Variants in WDR46 observed in about 807,000 individuals in gnomAD.
The protein encoded by WDR46 is WD repeat domain 46.
Under a neutral mutation model 74.7 loss-of-function variants are expected in WDR46, and 58 were observed. The observed-to-expected ratio is 0.78, with a 90% confidence interval of 0.63 to 0.97. WDR46 has a LOEUF of 0.97. WDR46 is among the 50% of genes least tolerant of loss of function. WDR46 has a pLI of 0.00. For missense variants in WDR46, 702 were observed against 790.1 expected, an observed-to-expected ratio of 0.89 and a Z score of 1.34; for synonymous variants, 278 against 297.3, an observed-to-expected ratio of 0.93 and a Z score of 0.67.
intron 10 of WDR46, among the ~76,000 whole-genome samples, chr6:33,285,125 A>C (rs927707069): frequency 1.3e-5 from 2 of 152,242 alleles, no homozygotes; most frequent in Admixed American, 1.3e-4. Flanking sequence ...TACATCAATT[A>C]GGCAAAATGT....
At chr6:33,279,401 A>G (rs750445510) in intron 14 of WDR46, 27 bp from the exon 15 acceptor site, 4 of 1,612,620 alleles carry the variant, frequency 2.5e-6, no homozygotes, top group Middle Eastern at 1.7e-4. Context: ...GGGAGGACAC[A>G]GGCACAGAGT....
intron 9 of WDR46, 68 bp from the exon 10 acceptor site, chr6:33,286,962 A>G (rs1435741862): frequency 6.3e-7 from 1 of 1,597,298 alleles, no homozygotes; most frequent in African/African-American, 1.3e-5. Context: ...CATGGGAAAG[A>G]TGGGAACTCA....
At chr6:33,288,331 T>G (rs1184484318) in intron 4 of WDR46, 27 bp downstream of exon 4, 1 of 1,613,806 alleles carries the variant, frequency 6.2e-7, no homozygotes, top group Admixed American at 1.7e-5. Context: ...AGGCAGGGAA[T>G]GGGGGTCCAG....
At chr6:33,284,958 G>C (rs1191773806) in intron 10 of WDR46, 3 of 153,546 alleles carry the variant, frequency 2.0e-5, no homozygotes, top group Non-Finnish European at 2.9e-5. Flanking sequence ...CAGTGACACA[G>C]TCGTAAGTGC....
rs569180726 is a variant in WDR46 at position 33,283,781 on chromosome 6, C to T, written c.1116-2794G>A. ...GCATGCAGTGGCATGCACTTGTACT[C>T]CCAGCTACTTGGAGGCTGAGGCAGA... On this transcript the variant is annotated intron_variant, in intron 10 of 14. Coordinates refer to ENST00000374617, the MANE Select transcript of WDR46 (RefSeq NM_005452.6). Among the ~76,000 whole-genome samples the T allele has an allele frequency of 5.3e-5, 8 of 152,260 alleles. No individual in the cohort carries two copies. In the East Asian group the frequency reaches 1.5e-3, roughly 29 times the overall value.
rs374906212 is a variant in WDR46, at chr6:33,287,164, A to C, written c.942T>G (p.Asn314Lys). The C allele has an allele frequency of 6.2e-7, 1 of 1,613,858 alleles. No individual in the cohort carries two copies. Residue 314 changes from asparagine to lysine, a missense_variant, in exon 9 of 15, where the codon AAT becomes AAG. Transcript: ENST00000374617. The part of the protein sequence containing the change: ...VSVGKIVAAL[N>K]ARAGRLDVMS... ...TAACATCGAGCCGCCCAGCTCGAGC[A>C]TTCAGAGCTGCCACAATCTTCCCCA...
At chr6:33,288,055 GTGCCC>G in intron 5 of WDR46, 29 bp from the exon 6 acceptor site, 1 of 1,614,048 alleles carries the variant, frequency 6.2e-7, no homozygotes, top group Non-Finnish European at 8.5e-7. Flanking sequence ...AAAAAAAAGA[GTGCCC>G]TGCAGTAACG....
intron 3 of WDR46, 28 bp from the exon 4 acceptor site, chr6:33,288,498 G>A (rs780777335): frequency 3.7e-6 from 6 of 1,612,494 alleles, no homozygotes; most frequent in Non-Finnish European, 4.2e-6. Flanking sequence ...GGGAGGAGTG[G>A]CAGAAGAACC....
rs1197994102 is a variant in WDR46 at position 33,288,950 on chromosome 6, G to A, written c.133C>T (p.Pro45Ser). ...PTTAGASPGP[P>S]RNKKNRELRP... is the part of the protein sequence containing the mutation. ...AGCTCCCGATTCTTCTTGTTACGAG[G>A]AGGCCCTGGAGAGGCTCCGGCTGTG... Residue 45 changes from proline to serine, a missense_variant, in exon 2 of 15, where the codon CCT (proline) becomes TCT (serine). By Grantham distance (74) the Pro-to-Ser change is moderately conservative (BLOSUM62 -1). Coordinates refer to ENST00000374617, the MANE Select transcript of WDR46 (RefSeq NM_005452.6). 1.9e-6 allele frequency: 3 copies of A among 1,614,078 alleles called. No homozygotes were observed. Among genetic ancestry groups the A allele is most frequent in the East Asian group, 2.2e-5 (1 of 44,882 alleles).
intron 10 of WDR46, among the ~76,000 whole-genome samples, chr6:33,285,404 T>C (rs1581679062): frequency 6.6e-6 from 1 of 151,890 alleles, no homozygotes; most frequent in East Asian, 1.9e-4. Context: ...AGTTTTGCCA[T>C]GTCATGGGTG....
At chr6:33,280,555 A>G (rs761875001) in intron 11 of WDR46, 33 bp from the exon 12 acceptor site, 27 of 1,599,810 alleles carry the variant, frequency 1.7e-5, no homozygotes, top group Admixed American at 6.9e-5. Context: ...ATGGAGCCAT[A>G]AGGAAGAACC....
chr6:33,288,060 C>G lies in WDR46; in HGVS notation c.562-34G>C. Reference sequence around the variant, plus strand: ...GAGAAGAGTGAAAAAAAAGAGTGCCCTGCAGTAACGCCTTCTTCTAGCCCC... The same window carrying G: ...GAGAAGAGTGAAAAAAAAGAGTGCCGTGCAGTAACGCCTTCTTCTAGCCCC... On this transcript the variant is annotated intron_variant, in intron 5 of 14. Transcript: ENST00000374617. 1.9e-6 allele frequency: 3 copies of G among 1,614,110 alleles called. 1 individual carries two copies. Among genetic ancestry groups the G allele is most frequent in the South Asian group, 2.2e-5 (2 of 91,076 alleles).
rs542996098 is a variant in WDR46 at position 33,285,392 on chromosome 6, A to G, written c.1115+1403T>C. 2.0e-5 allele frequency among the ~76,000 whole-genome samples: 3 copies of G among 151,938 alleles called. No homozygotes were observed. In the East Asian group the frequency reaches 5.8e-4, roughly 30 times the overall value. Reference sequence around the variant, plus strand: ...TAATTTTTCTATCTTCTGTAGAGACAGAGTTTTGCCATGTCATGGGTGACA... The same window carrying G: ...TAATTTTTCTATCTTCTGTAGAGACGGAGTTTTGCCATGTCATGGGTGACA... On this transcript the variant is annotated intron_variant, in intron 10 of 14. Transcript: ENST00000374617.
chr6:33,287,021 C>T lies in WDR46; in HGVS notation c.1015+70G>A, dbSNP rs918162346. 9.4e-6 allele frequency: 15 copies of T among 1,590,802 alleles called. No individual in the cohort carries two copies. In the Admixed American group the frequency reaches 2.1e-4, roughly 23 times the overall value. ...GAAATAAAAGGGTAACTTTAAGGGA[C>T]TCATGAAGTACAAATATAGAAGAAA... is the stretch of plus-strand genomic sequence containing the variant. On this transcript the variant is annotated intron_variant, in intron 9 of 14. Transcript: ENST00000374617.
chr6:33,283,216 A>C (rs1476200844), intron 10 of WDR46, among the ~76,000 whole-genome samples: 1 of 147,434 alleles, frequency 6.8e-6, no homozygotes, highest in Non-Finnish European at 1.5e-5. Flanking sequence ...CTCAAAAAAA[A>C]AAGATACAAT....
At position 33,287,228 on chromosome 6, in the gene WDR46, TGAGA is replaced by T. The variant is rs1387998421; in HGVS notation, c.880-6_880-3del. The T allele has an allele frequency of 3.7e-6, 6 of 1,613,612 alleles. No individual in the cohort carries two copies. The highest frequency in any genetic ancestry group is 3.3e-5 in the South Asian group (3 of 91,018). ...GTAGGTTAGAAACCCTGTTTCTGACTGAGAGAGAAAGACAGAGAGAATGACCCAG... is the reference window on the plus strand; with the variant it reads ...GTAGGTTAGAAACCCTGTTTCTGACTGAGAAAGACAGAGAGAATGACCCAG... On this transcript the variant is annotated splice_region_variant and splice_polypyrimidine_tract_variant and intron_variant, in intron 8 of 14. Transcript: ENST00000374617.
Position 33,287,628 on chromosome 6 carries a change from C to T in WDR46, c.714G>A (p.Ala238=), listed in dbSNP as rs748542598. 7 of 1,613,926 alleles carry T rather than the reference C, an allele frequency of 4.3e-6. No individual in the cohort carries two copies. Among genetic ancestry groups the T allele is most frequent in the Non-Finnish European group, 5.9e-6 (7 of 1,180,006 alleles). Residue 238 remains alanine (A), a synonymous_variant, in exon 7 of 15, where the codon GCG becomes GCA. Coordinates refer to ENST00000374617, the MANE Select transcript of WDR46 (RefSeq NM_005452.6). ...AGGCCACTGACCGGATGTCCCGCACCGCCTCCATGACGTTGATCTCGCACA... is the reference window on the plus strand; with the variant it reads ...AGGCCACTGACCGGATGTCCCGCACTGCCTCCATGACGTTGATCTCGCACA... ...KLMCEINVME[A]VRDIRFLHSE... is the part of the protein sequence containing the mutation.
chr6:33,287,661 C>T lies in WDR46; in HGVS notation c.681G>A (p.Lys227=). 6.2e-7 allele frequency: 1 copy of T among 1,614,040 alleles called. No homozygotes were observed. The highest frequency in any genetic ancestry group is 8.5e-7 in the Non-Finnish European group (1 of 1,180,030). ...GHVAALDWVT[K]KLMCEINVME... is the part of the protein sequence containing the mutation. ...TGACGTTGATCTCGCACATAAGCTT[C>T]TTTGTTACCCAATCAAGGGCAGCCA... Residue 227 remains lysine (K), a synonymous_variant, in exon 7 of 15, where the codon AAG becomes AAA. Transcript: ENST00000374617.
intron 13 of WDR46, 41 bp downstream of exon 13, chr6:33,279,723 G>A: frequency 6.2e-7 from 1 of 1,612,996 alleles, no homozygotes; most frequent in Non-Finnish European, 8.5e-7. Context: ...GAGGATGTGG[G>A]GGAGAAGACG....
Sources: allele counts gnomAD v4.1 joint callset (sites outside exome capture counted in the v4.1 genomes callset), GRCh38; gene constraint gnomAD v4.1.1; transcripts MANE v1.5; gene names NCBI Gene and HGNC (gene_info 2026-07-23, HGNC 2026-07-21).